LAP3: variants seen among roughly 807,000 people sequenced by gnomAD.
LAP3 encodes the protein cytosol aminopeptidase.
Under a neutral mutation model 58.8 loss-of-function variants are expected in LAP3, and 46 were observed. The observed-to-expected ratio is 0.78, with a 90% CI of 0.62 to 1.00. LAP3 has a LOEUF of 1.00. Ranked by LOEUF, LAP3 falls within the 50% of genes least tolerant of loss-of-function variation. The probability of loss-of-function intolerance (pLI) is 0.00; values close to 1 mark genes in which losing one functional copy is unlikely to be tolerated. For synonymous variants in LAP3, 257 were observed against 237.7 expected, an observed-to-expected ratio of 1.08 and a Z score of -0.75; for missense variants, 615 against 659.1, an observed-to-expected ratio of 0.93 and a Z score of 0.73.
intron 4 of LAP3, chr4:17,582,612 C>T (rs1713393870): frequency 4.4e-6 from 2 of 459,112 alleles, no homozygotes. Context: ...ATATCTATAT[C>T]TCATTTGGGT....
chr4:17,580,182 G>GTGTATATATATATATATATATA (rs1230041457), intron 2 of LAP3, among the ~76,000 whole-genome samples: 10 of 31,020 alleles, frequency 3.2e-4, no homozygotes, highest in Middle Eastern at 0.016. Flanking sequence ...ATATATATAT[G>GTGTATATATATATATATATATA]TATTTTTTTT....
intron 11 of LAP3, among the ~76,000 whole-genome samples, chr4:17,605,681 A>G (rs149641263): frequency 2.8e-4 from 43 of 152,162 alleles, no homozygotes; most frequent in Non-Finnish European, 5.9e-4. Context: ...CAGTTCTGCA[A>G]TACTCAGCCC....
intron 9 of LAP3, 53 bp downstream of exon 9, chr4:17,597,187 G>T (rs756315033): frequency 2.1e-6 from 3 of 1,463,158 alleles, no homozygotes; most frequent in Non-Finnish European, 2.9e-6. Flanking sequence ...CAGGAATCCC[G>T]TGGTGGCCAC....
At chr4:17,606,797 C>G in intron 11 of LAP3, 32 bp from the exon 12 acceptor site, 2 of 1,462,798 alleles carry the variant, frequency 1.4e-6, no homozygotes, top group Non-Finnish European at 1.9e-6. Flanking sequence ...CCTGCCTCAT[C>G]CACTCTTCCA....
At chr4:17,598,606 G>T in intron 10 of LAP3, 48 bp downstream of exon 10, 1 of 1,346,438 alleles carries the variant, frequency 7.4e-7, no homozygotes, top group Non-Finnish European at 1.1e-6. Flanking sequence ...AGTCTTGTTC[G>T]TTGCATGGAT....
At chr4:17,590,004 T>G (rs6813071) in intron 7 of LAP3, among the ~76,000 whole-genome samples, 3,600 of 152,264 alleles carry the variant, frequency 0.024, 135 homozygotes, top group African/African-American at 0.082. Context: ...CTGAGAAAGA[T>G]AGTGGAGTTT....
chr4:17,581,001 C>T (rs769378562), intron 2 of LAP3, among the ~76,000 whole-genome samples: 3 of 152,352 alleles, frequency 2.0e-5, no homozygotes, highest in Non-Finnish European at 4.4e-5. Flanking sequence ...ACAGAGCATT[C>T]TCAAGTGCAT....
At position 17,585,146 on chromosome 4, in the gene LAP3, G is replaced by T; in HGVS notation, c.704+10G>T. The stretch of plus-strand genomic sequence containing the variant: ...CCGAGGTCCATATCAGGTAATTCAG[G>T]ATTGTGTCACAGACTCGAGATGTTA... On this transcript the variant is annotated intron_variant, in intron 6 of 12. Transcript: ENST00000226299. 6.2e-7 allele frequency: 1 copy of T among 1,607,982 alleles called. No homozygotes were observed. Among genetic ancestry groups the T allele is most frequent in the South Asian group, 1.1e-5 (1 of 90,818 alleles).
intron 10 of LAP3, among the ~76,000 whole-genome samples, chr4:17,603,501 AAATCTTTTTTTTTTTTTTTTG>A (rs1325492304): frequency 8.5e-6 from 1 of 117,878 alleles, no homozygotes; most frequent in Non-Finnish European, 1.7e-5. Context: ...CTACAGCAAG[AAATCTTTTTTTTTTTTTTTTG>A]AGACAGAGTT....
At chr4:17,606,548 C>T (rs1714146286) in intron 11 of LAP3, among the ~76,000 whole-genome samples, 1 of 152,190 alleles carries the variant, frequency 6.6e-6, no homozygotes, top group Non-Finnish European at 1.5e-5. Context: ...CCATGTTGGC[C>T]AGGATGGTCT....
intron 5 of LAP3, among the ~76,000 whole-genome samples, chr4:17,584,424 C>T (rs1365352175): frequency 6.6e-6 from 1 of 152,220 alleles, no homozygotes; most frequent in East Asian, 1.9e-4. Flanking sequence ...TAGGAAGAGC[C>T]AGGGTTGTGA....
At chr4:17,577,841 C>T (rs1713250916) in intron 1 of LAP3, among the ~76,000 whole-genome samples, 1 of 152,218 alleles carries the variant, frequency 6.6e-6, no homozygotes, top group Non-Finnish European at 1.5e-5. Flanking sequence ...TTGCTCCAGT[C>T]GTCACCCGCG....
chr4:17,584,852 T>C (rs1713460348), intron 5 of LAP3, 120 bp from the exon 6 acceptor site: 2 of 943,630 alleles, frequency 2.1e-6, no homozygotes, highest in African/African-American at 1.7e-5. Context: ...TGTGTGCCAA[T>C]TGTTTTTGAT....
intron 10 of LAP3, 106 bp downstream of exon 10, chr4:17,598,664 C>A: frequency 1.4e-6 from 1 of 729,700 alleles, no homozygotes; most frequent in Non-Finnish European, 2.4e-6. Context: ...TTGGCTTGGT[C>A]CATTGGCATT....
intron 1 of LAP3, 38 bp downstream of exon 1, chr4:17,577,605 G>A: frequency 6.7e-7 from 1 of 1,485,500 alleles, no homozygotes; most frequent in South Asian, 1.2e-5. Context: ...CGCCGCTGGG[G>A]CCCTGCCCGT....
chr4:17,592,559 C>T (rs905514854), intron 7 of LAP3, among the ~76,000 whole-genome samples: 1 of 152,202 alleles, frequency 6.6e-6, no homozygotes, highest in Non-Finnish European at 1.5e-5. Flanking sequence ...TTTCCTTACT[C>T]TTGCGTAAAT....
At chr4:17,579,680 G>A (rs2109017035) in intron 1 of LAP3, 144 bp from the exon 2 acceptor site, 1 of 504,942 alleles carries the variant, frequency 2.0e-6, no homozygotes, top group South Asian at 3.1e-5. Flanking sequence ...CCCAGCACCT[G>A]CTTCTTTTTT....
In LAP3 at chr4:17,604,664, C is replaced by T. The variant is rs766343900; in HGVS notation, c.1257C>T (p.Phe419=). The change falls in exon 11 of 13, where the codon TTC becomes TTT. Residue 419 remains phenylalanine (F), a synonymous_variant. Transcript: ENST00000226299. ...CATCCTGGCTCTGGAACAAACTCTT[C>T]GAGGTAGGAATAATATTTGTATATC... ...TNSSWLWNKL[F]EASIETGDRV... The T allele has an allele frequency of 2.5e-5, 40 of 1,603,624 alleles. No individual in the cohort carries two copies. The highest frequency in any genetic ancestry group is 3.3e-4 in the Middle Eastern group (2 of 6,058).
chr4:17,586,942 C>T (rs1713530929), intron 6 of LAP3, among the ~76,000 whole-genome samples: 1 of 152,160 alleles, frequency 6.6e-6, no homozygotes, highest in African/African-American at 2.4e-5. Context: ...ACCATCTCTA[C>T]TAAAAGTACA....
Sources: allele counts gnomAD v4.1 joint callset (sites outside exome capture counted in the v4.1 genomes callset), GRCh38; gene constraint gnomAD v4.1.1; transcripts MANE v1.5; gene names NCBI Gene and HGNC (gene_info 2026-07-23, HGNC 2026-07-21).